The following CORIN variants were observed in gnomAD, a reference collection of about 807,000 sequenced individuals.
CORIN encodes atrial natriuretic peptide-converting enzyme.
A neutral mutation model predicts 125.3 loss-of-function variants in CORIN; 117 were observed. The observed-to-expected ratio is 0.93, with a 90% CI of 0.80 to 1.09. The LOEUF is 1.09. Ranked by LOEUF, CORIN falls within the 50% of genes least tolerant of loss-of-function variation. The pLI, the probability that CORIN is intolerant of heterozygous loss-of-function variation, is 0.00. For synonymous variants in CORIN, 450 were observed against 466.4 expected, an observed-to-expected ratio of 0.96 and a Z score of 0.45; for missense variants, 1,253 against 1,306.7, an observed-to-expected ratio of 0.96 and a Z score of 0.63.
intron 10 of CORIN, among the ~76,000 whole-genome samples, chr4:47,671,388 A>ATAC (rs1358451464): frequency 6.6e-6 from 1 of 152,194 alleles, no homozygotes; most frequent in African/African-American, 2.4e-5. Flanking sequence ...AAGCTAAGTA[A>ATAC]TACTAGTCTC....
chr4:47,673,720 C>T (rs932124978), intron 10 of CORIN, among the ~76,000 whole-genome samples: 7 of 152,060 alleles, frequency 4.6e-5, no homozygotes, highest in African/African-American at 9.7e-5. Flanking sequence ...CTAATGGTTC[C>T]GAAACCATTA....
At chr4:47,737,196 A>G (rs777297747) in intron 5 of CORIN, among the ~76,000 whole-genome samples, 12 of 152,224 alleles carry the variant, frequency 7.9e-5, no homozygotes, top group Non-Finnish European at 1.5e-4. Flanking sequence ...CCTTATAACA[A>G]TGAGGCAAAA....
intron 19 of CORIN, among the ~76,000 whole-genome samples, chr4:47,621,802 C>T (rs532509152): frequency 3.3e-5 from 5 of 150,866 alleles, no homozygotes; most frequent in South Asian, 2.1e-4. Context: ...TGAGTAAAGC[C>T]GATGACATTC....
At chr4:47,658,769 C>G (rs555717829) in intron 12 of CORIN, among the ~76,000 whole-genome samples, 2 of 152,238 alleles carry the variant, frequency 1.3e-5, no homozygotes, top group Non-Finnish European at 2.9e-5. Flanking sequence ...TTTGGTTATA[C>G]AAATTTCTCC....
chr4:47,782,475 A>G (rs1281530908), intron 3 of CORIN, among the ~76,000 whole-genome samples: 10 of 152,194 alleles, frequency 6.6e-5, no homozygotes, highest in Admixed American at 6.5e-4. Context: ...CCCACTCTCA[A>G]TAATGGATAG....
chr4:47,701,455 C>A (rs1726288762), intron 5 of CORIN, among the ~76,000 whole-genome samples: 1 of 152,066 alleles, frequency 6.6e-6, no homozygotes, highest in African/African-American at 2.4e-5. Flanking sequence ...TATTGCCTGC[C>A]TGATAGCATG....
intron 1 of CORIN, among the ~76,000 whole-genome samples, chr4:47,824,118 T>A (rs1385036398): frequency 7.3e-6 from 1 of 137,358 alleles, no homozygotes; most frequent in Non-Finnish European, 1.5e-5. Context: ...TGCTATTCCT[T>A]TTTTTTTTTT....
In CORIN at chr4:47,744,515, A is replaced by G. The variant is rs1483602148; in HGVS notation, c.686T>C (p.Met229Thr). The change falls in exon 5 of 22, where the codon ATG becomes ACG. Residue 229 changes from methionine to threonine, a missense_variant. Transcript: ENST00000273857. Reference protein sequence around the residue: ...AKEGCESVLGMVNYSWPDFLR... With the variant: ...AKEGCESVLGTVNYSWPDFLR... ...GAAATCCGGCCAGGAGTAATTCACC[A>G]TCCCCAGGACTGATTCACAGCCTTC... The G allele has an allele frequency of 4.3e-6, 7 of 1,614,004 alleles. No homozygotes were observed. Among genetic ancestry groups the G allele is most frequent in the Non-Finnish European group, 5.9e-6 (7 of 1,179,986 alleles).
intron 16 of CORIN, among the ~76,000 whole-genome samples, chr4:47,629,395 T>A (rs1436824825): frequency 2.0e-5 from 3 of 152,206 alleles, no homozygotes; most frequent in Non-Finnish European, 4.4e-5. Flanking sequence ...GTTATTTGGC[T>A]TTTTGCTGTT....
chr4:47,671,835 C>T (rs1375590945), intron 10 of CORIN, among the ~76,000 whole-genome samples: 1 of 152,222 alleles, frequency 6.6e-6, no homozygotes, highest in Admixed American at 6.5e-5. Context: ...ATGATCCACC[C>T]GCCTCGGCCT....
chr4:47,618,691 C>T (rs1343936222), intron 19 of CORIN, among the ~76,000 whole-genome samples: 3 of 151,850 alleles, frequency 2.0e-5, no homozygotes, highest in African/African-American at 7.3e-5. Flanking sequence ...TGGTGGTGGG[C>T]ACCTGCAGTC....
intron 19 of CORIN, among the ~76,000 whole-genome samples, chr4:47,616,758 T>C (rs1185450487): frequency 6.6e-6 from 1 of 152,084 alleles, no homozygotes; most frequent in African/African-American, 2.4e-5. Context: ...AATTTTTCTG[T>C]GAACAGTGGC....
chr4:47,623,704 G>C lies in CORIN; in HGVS notation c.2407C>G (p.Leu803Val). 6.2e-7 allele frequency: 1 copy of C among 1,614,098 alleles called. No homozygotes were observed. Among genetic ancestry groups the C allele is most frequent in the East Asian group, 2.2e-5 (1 of 44,904 alleles). ...CCAGGGCGACTCGTCCGACCTCCAA[G>C]GATCCTTTTGTTCATTCGGGCAGCA... ...RPAARMNKRI[L>V]GGRTSRPGRW... The change falls in exon 19 of 22, where the codon CTT (leucine) becomes GTT (valine). Residue 803 changes from leucine (L) to valine (V), a missense_variant. Coordinates refer to ENST00000273857, the MANE Select transcript of CORIN (RefSeq NM_006587.4).
At chr4:47,815,103 AC>A (rs2109964641) in intron 1 of CORIN, among the ~76,000 whole-genome samples, 1 of 152,288 alleles carries the variant, frequency 6.6e-6, no homozygotes, top group African/African-American at 2.4e-5. Context: ...TTCAAAGGCA[AC>A]TTGTACAATA....
Position 47,748,297 on chromosome 4 carries a change from T to C in CORIN, c.618-3714A>G, listed in dbSNP as rs115956339. Among the ~76,000 whole-genome samples the C allele has an allele frequency of 5.5e-3, 831 of 152,332 alleles. 8 individuals are homozygous for C. Among genetic ancestry groups the C allele is most frequent in the African/African-American group, 0.018 (739 of 41,576 alleles). On this transcript the variant is annotated intron_variant, in intron 4 of 21. Coordinates refer to ENST00000273857, the MANE Select transcript of CORIN (RefSeq NM_006587.4). Reference sequence around the variant, plus strand: ...GCCACACTATTTTGGAATATGTGTCTATATCCAAGCAACAAACAGATTGAT... The same window carrying C: ...GCCACACTATTTTGGAATATGTGTCCATATCCAAGCAACAAACAGATTGAT...
chr4:47,616,453 A>G (rs1216176315), intron 19 of CORIN, among the ~76,000 whole-genome samples: 1 of 152,178 alleles, frequency 6.6e-6, no homozygotes, highest in East Asian at 1.9e-4. Context: ...CCTAAAAATG[A>G]GCTGAAAAAA....
chr4:47,835,954 T>C (rs1733377373), intron 1 of CORIN, among the ~76,000 whole-genome samples: 6 of 152,354 alleles, frequency 3.9e-5, no homozygotes, highest in Admixed American at 6.5e-5. Flanking sequence ...GCTTTCATCG[T>C]TGGTCCTGTA....
intron 6 of CORIN, among the ~76,000 whole-genome samples, chr4:47,687,630 G>A (rs796292121): frequency 7.2e-5 from 11 of 152,246 alleles, no homozygotes; most frequent in African/African-American, 2.2e-4. Context: ...TTTCTCAAAG[G>A]CTTCTTTCAA....
At chr4:47,685,830 A>T (rs995910037) in intron 6 of CORIN, among the ~76,000 whole-genome samples, 1 of 151,618 alleles carries the variant, frequency 6.6e-6, no homozygotes, top group Non-Finnish European at 1.5e-5. Context: ...AATAGGGTGG[A>T]TGTAATGAAA....
Sources: allele counts gnomAD v4.1 joint callset (sites outside exome capture counted in the v4.1 genomes callset), GRCh38; gene constraint gnomAD v4.1.1; transcripts MANE v1.5; gene names NCBI Gene and HGNC (gene_info 2026-07-23, HGNC 2026-07-21).